The following TSHZ2 variants were observed in gnomAD, a reference collection of about 807,000 sequenced individuals.
TSHZ2 encodes teashirt zinc finger homeobox 2, also known as teashirt homolog 2.
TSHZ2 carries 21 observed loss-of-function variants against 74.4 expected under a neutral mutation model. The ratio of observed to expected loss-of-function variants is 0.28; its 90% confidence interval spans 0.20 to 0.41. The LOEUF (loss-of-function observed/expected upper bound fraction) is 0.41, where lower values mean the gene tolerates loss of function less well. TSHZ2 is among the 10% of genes least tolerant of loss of function. TSHZ2 has a pLI of 1.00. For synonymous variants in TSHZ2, 540 were observed against 515.3 expected (o/e 1.05, Z -0.65); for missense variants, 1,244 against 1,293.5 (o/e 0.96, Z 0.59).
At chr20:53,158,967 G>C (rs1987862645) in intron 1 of TSHZ2, among the ~76,000 whole-genome samples, 1 of 152,150 alleles carries the variant, frequency 6.6e-6, no homozygotes, top group Non-Finnish European at 1.5e-5. Context: ...ATTTTTAAAA[G>C]AAATTTTATT....
intron 1 of TSHZ2, among the ~76,000 whole-genome samples, chr20:53,210,622 G>A: frequency 6.6e-6 from 1 of 151,766 alleles, no homozygotes; most frequent in East Asian, 1.9e-4. Flanking sequence ...GGGTTTATAC[G>A]ACTACAGGAT....
intron 2 of TSHZ2, among the ~76,000 whole-genome samples, chr20:53,281,003 T>A (rs1350959131): frequency 2.0e-5 from 3 of 152,206 alleles, no homozygotes; most frequent in African/African-American, 4.8e-5. Context: ...TCAGCAAGTA[T>A]TCCTAAAAGT....
chr20:53,404,253 G>A (rs1018950702), intron 2 of TSHZ2, among the ~76,000 whole-genome samples: 8 of 152,102 alleles, frequency 5.3e-5, no homozygotes, highest in Admixed American at 2.0e-4. Flanking sequence ...TGCCTGTAAT[G>A]GAGTTGACCT....
intron 2 of TSHZ2, among the ~76,000 whole-genome samples, chr20:53,418,135 T>C (rs892834740): frequency 6.6e-6 from 1 of 151,910 alleles, no homozygotes; most frequent in African/African-American, 2.4e-5. Flanking sequence ...TAAGCAGAGG[T>C]CTATATGATT....
chr20:53,033,498 A>G (rs537850512), intron 1 of TSHZ2, among the ~76,000 whole-genome samples: 2 of 152,268 alleles, frequency 1.3e-5, no homozygotes, highest in South Asian at 2.1e-4. Context: ...TGAGATAAGC[A>G]TGATCCGCCT....
chr20:53,279,528 G>A (rs1400470575), intron 2 of TSHZ2, among the ~76,000 whole-genome samples: 2 of 152,200 alleles, frequency 1.3e-5, no homozygotes, highest in Non-Finnish European at 2.9e-5. Context: ...CTGATCCAAA[G>A]CAATCCAGCT....
At chr20:53,329,463 T>C (rs1230485100) in intron 2 of TSHZ2, among the ~76,000 whole-genome samples, 1 of 152,198 alleles carries the variant, frequency 6.6e-6, no homozygotes, top group Non-Finnish European at 1.5e-5. Flanking sequence ...TATGGCTGAA[T>C]TTAACTCCGG....
intron 2 of TSHZ2, among the ~76,000 whole-genome samples, chr20:53,458,102 T>C (rs961293447): frequency 1.6e-4 from 25 of 152,158 alleles, no homozygotes; most frequent in African/African-American, 5.8e-4. Flanking sequence ...TTCCCTGTTT[T>C]TCTATTGATT....
At chr20:53,484,429 A>C (rs1986240099) in intron 2 of TSHZ2, among the ~76,000 whole-genome samples, 2 of 145,514 alleles carry the variant, frequency 1.4e-5, no homozygotes, top group Admixed American at 7.0e-5. Flanking sequence ...TCTGTTGCCC[A>C]AGCTGGAATG....
At chr20:53,089,341 T>TTTTAA (rs370108566) in intron 1 of TSHZ2, among the ~76,000 whole-genome samples, 27 of 129,788 alleles carry the variant, frequency 2.1e-4, no homozygotes, top group Non-Finnish European at 3.6e-4. Context: ...TTTTTTTTTT[T>TTTTAA]ATTAAACAGA....
chr20:53,450,827 A>AT (rs1984749115), intron 2 of TSHZ2, among the ~76,000 whole-genome samples: 1 of 152,108 alleles, frequency 6.6e-6, no homozygotes, highest in Admixed American at 6.6e-5. Flanking sequence ...CCTGGCCCAC[A>AT]TTTTTCTTTC....
Position 53,072,214 on chromosome 20 carries a change from G to A in TSHZ2, c.40+98881G>A, listed in dbSNP as rs112098994. Among the ~76,000 whole-genome samples the A allele has an allele frequency of 8.3e-3, 1,261 of 152,298 alleles. 18 individuals are homozygous for A. Among genetic ancestry groups the A allele is most frequent in the African/African-American group, 0.029 (1,195 of 41,556 alleles). On this transcript the variant is annotated intron_variant, in intron 1 of 2. Coordinates refer to ENST00000371497, the MANE Select transcript of TSHZ2 (RefSeq NM_173485.6). Reference sequence around the variant, plus strand: ...GCTAAGCTGGGTTGGAGCAGAAGTAGTTTGGGAAATTCTTTTGTTTCTATG... The same window carrying A: ...GCTAAGCTGGGTTGGAGCAGAAGTAATTTGGGAAATTCTTTTGTTTCTATG...
intron 2 of TSHZ2, among the ~76,000 whole-genome samples, chr20:53,425,232 G>A (rs781399636): frequency 7.2e-5 from 11 of 152,218 alleles, no homozygotes; most frequent in Non-Finnish European, 1.5e-4. Flanking sequence ...TAGCAGAGCA[G>A]AAATATAGTG....
chr20:53,258,599 G>A (rs1022066830), intron 2 of TSHZ2, among the ~76,000 whole-genome samples: 21 of 152,118 alleles, frequency 1.4e-4, no homozygotes, highest in South Asian at 6.2e-4. Flanking sequence ...TTGATCCATC[G>A]TCAGTCAGAA....
intron 2 of TSHZ2, among the ~76,000 whole-genome samples, chr20:53,340,173 C>CTTTTTTT (rs1285149762): frequency 8.1e-5 from 5 of 62,110 alleles, no homozygotes; most frequent in African/African-American, 4.0e-4. Context: ...GGTGACTTTT[C>CTTTTTTT]TTTCTTTTTT....
At chr20:53,202,194 T>A (rs983801975) in intron 1 of TSHZ2, among the ~76,000 whole-genome samples, 3 of 152,172 alleles carry the variant, frequency 2.0e-5, no homozygotes, top group Admixed American at 6.5e-5. Context: ...CCTTCCTCGG[T>A]GATTGGAGCA....
intron 1 of TSHZ2, among the ~76,000 whole-genome samples, chr20:53,170,627 A>G (rs946769637): frequency 6.6e-6 from 1 of 152,222 alleles, no homozygotes; most frequent in African/African-American, 2.4e-5. Context: ...AGGTTGTGAC[A>G]ATCAGAGAAT....
At chr20:53,219,320 A>T (rs1463334552) in intron 1 of TSHZ2, among the ~76,000 whole-genome samples, 1 of 152,214 alleles carries the variant, frequency 6.6e-6, no homozygotes, top group African/African-American at 2.4e-5. Context: ...AAAATTTGTG[A>T]GGCTTAACAT....
intron 1 of TSHZ2, among the ~76,000 whole-genome samples, chr20:52,991,437 C>T (rs1600633954): frequency 2.4e-5 from 3 of 127,430 alleles, no homozygotes; most frequent in Admixed American, 7.8e-5. Context: ...TTTTCTGATG[C>T]ATGATTTTGT....
Sources: allele counts gnomAD v4.1 joint callset (sites outside exome capture counted in the v4.1 genomes callset), GRCh38; gene constraint gnomAD v4.1.1; transcripts MANE v1.5; gene names NCBI Gene and HGNC (gene_info 2026-07-23, HGNC 2026-07-21).